SHANK2: variants seen among roughly 807,000 people sequenced by gnomAD.
SHANK2 encodes SH3 and multiple ankyrin repeat domains 2.
Under a neutral mutation model 133.7 loss-of-function variants are expected in SHANK2, and 43 were observed. The ratio of observed to expected loss-of-function variants is 0.32; its 90% CI spans 0.25 to 0.41. The LOEUF is 0.41. SHANK2 is among the 10% of genes least tolerant of loss of function. The pLI is 1.00. For synonymous variants in SHANK2, 1,017 were observed against 952.8 expected, an observed-to-expected ratio of 1.07 and a Z score of -1.24; for missense variants, 1,994 against 2,235.8, an observed-to-expected ratio of 0.89 and a Z score of 2.18.
At chr11:70,526,811 A>C (rs1591537721) in intron 17 of SHANK2, among the ~76,000 whole-genome samples, 3 of 119,926 alleles carry the variant, frequency 2.5e-5, no homozygotes, top group Non-Finnish European at 5.3e-5. Flanking sequence ...CCTCCTGAAC[A>C]CCCCCTATCA....
chr11:70,828,155 G>A (rs1205405760), intron 11 of SHANK2, among the ~76,000 whole-genome samples: 12 of 152,164 alleles, frequency 7.9e-5, no homozygotes, highest in Admixed American at 7.2e-4. Flanking sequence ...GTGGTCGTGC[G>A]CCTGTGGTCC....
At chr11:70,489,936 AGGGCAG>A (rs1429502740) in intron 23 of SHANK2, 1 of 361,058 alleles carries the variant, frequency 2.8e-6, no homozygotes, top group Non-Finnish European at 5.3e-6. Flanking sequence ...CACCCTGAGC[AGGGCAG>A]GGTGGGGGAG....
intron 9 of SHANK2, among the ~76,000 whole-genome samples, chr11:71,066,884 C>T (rs980736280): frequency 9.2e-5 from 14 of 152,272 alleles, no homozygotes; most frequent in African/African-American, 2.6e-4. Flanking sequence ...GAACACACCC[C>T]TCACTGCCGT....
At chr11:70,498,245 C>T (rs1555157542) in intron 21 of SHANK2, among the ~76,000 whole-genome samples, 2 of 152,252 alleles carry the variant, frequency 1.3e-5, no homozygotes, top group Admixed American at 1.3e-4. Context: ...CACTCCATTT[C>T]CAAAAGGAAA....
chr11:70,623,592 C>T (rs576432724), intron 17 of SHANK2, among the ~76,000 whole-genome samples: 3 of 152,326 alleles, frequency 2.0e-5, no homozygotes, highest in Admixed American at 2.0e-4. Flanking sequence ...TTCTTCCCAG[C>T]TCCTTCATTT....
At chr11:70,815,916 G>A (rs782067211) in intron 12 of SHANK2, among the ~76,000 whole-genome samples, 1 of 152,212 alleles carries the variant, frequency 6.6e-6, no homozygotes, top group African/African-American at 2.4e-5. Flanking sequence ...AGAGGGACAG[G>A]GGACCTGGCC....
At chr11:70,704,706 G>A (rs782572303) in intron 14 of SHANK2, among the ~76,000 whole-genome samples, 19 of 152,200 alleles carry the variant, frequency 1.2e-4, no homozygotes, top group African/African-American at 3.6e-4. Flanking sequence ...AGCTCATGGC[G>A]GAAGACAGAA....
At chr11:70,722,203 T>C (rs1218164209) in intron 14 of SHANK2, among the ~76,000 whole-genome samples, 2 of 152,248 alleles carry the variant, frequency 1.3e-5, no homozygotes, top group East Asian at 1.9e-4. Flanking sequence ...GTATGCACAC[T>C]GCATTTCCCA....
chr11:71,209,775 T>G (rs923967531), intron 2 of SHANK2, among the ~76,000 whole-genome samples: 1 of 152,072 alleles, frequency 6.6e-6, no homozygotes, highest in Non-Finnish European at 1.5e-5. Context: ...TCCCATCCCA[T>G]CAACAGAGCA....
rs142338186 is a variant in SHANK2 at position 70,624,289 on chromosome 11, C to T, written c.2061+35539G>A. ...AGGCTTGCATCCTACCCCTCTCCCC[C>T]ATGGAGGAGGTGGGAATGGAGCAAC... On this transcript the variant is annotated intron_variant, in intron 17 of 25. Transcript: ENST00000601538. Among the ~76,000 whole-genome samples, 339 of 152,190 alleles carry T rather than the reference C, an allele frequency of 2.2e-3. 1 individual carries two copies. Among genetic ancestry groups the T allele is most frequent in the African/African-American group, 7.8e-3 (322 of 41,508 alleles).
intron 17 of SHANK2, among the ~76,000 whole-genome samples, chr11:70,593,539 G>A (rs573786834): frequency 2.0e-4 from 31 of 152,282 alleles, no homozygotes; most frequent in South Asian, 1.0e-3. Flanking sequence ...CCCACGGGAC[G>A]TCTGAGCAGG....
chr11:70,519,415 A>G (rs2059303186), intron 17 of SHANK2, among the ~76,000 whole-genome samples: 1 of 152,160 alleles, frequency 6.6e-6, no homozygotes, highest in African/African-American at 2.4e-5. Flanking sequence ...GCACTTTGGG[A>G]AGCAGGTGGA....
intron 14 of SHANK2, among the ~76,000 whole-genome samples, chr11:70,741,349 AT>A: frequency 6.6e-6 from 1 of 151,514 alleles, no homozygotes; most frequent in Admixed American, 6.6e-5. Flanking sequence ...CTATCCATCC[AT>A]CCATCCATCC....
rs1951036793 is a variant in SHANK2 at position 71,065,370 on chromosome 11, C to T, written c.1030-8812G>A. Among the ~76,000 whole-genome samples the T allele has an allele frequency of 4.5e-5, 6 of 132,992 alleles. No individual in the cohort carries two copies. The South Asian group carries it at 1.5e-3, about 34-fold the overall frequency. 87.2% of individuals were successfully genotyped at this position (132,992 alleles called of 152,430 possible). A position where few individuals can be genotyped will look rare whatever the true frequency, so the allele number is the denominator to read the frequency against. On this transcript the variant is annotated intron_variant, in intron 9 of 25. Coordinates refer to ENST00000601538, the MANE Select transcript of SHANK2 (RefSeq NM_012309.5). ...GTTGTGGGGGTGTGTGTGTGCAGAACTCTTCCAGGGAGATGAGCAGTGACT... is the reference window on the plus strand; with the variant it reads ...GTTGTGGGGGTGTGTGTGTGCAGAATTCTTCCAGGGAGATGAGCAGTGACT...
chr11:70,904,776 G>C (rs1555077545), intron 10 of SHANK2, among the ~76,000 whole-genome samples: 1 of 152,136 alleles, frequency 6.6e-6, no homozygotes, highest in Non-Finnish European at 1.5e-5. Context: ...CCAAAGTGCT[G>C]GGAGTACAGG....
chr11:70,572,438 C>T (rs2060057025), intron 17 of SHANK2, among the ~76,000 whole-genome samples: 1 of 152,142 alleles, frequency 6.6e-6, no homozygotes, highest in African/African-American at 2.4e-5. Flanking sequence ...CGAATTACAG[C>T]CGTGAGCCAC....
intron 17 of SHANK2, among the ~76,000 whole-genome samples, chr11:70,576,558 A>G (rs551861135): frequency 3.9e-5 from 6 of 152,130 alleles, no homozygotes; most frequent in African/African-American, 1.2e-4. Flanking sequence ...AATGGCATGA[A>G]CCCGGGAGGC....
intron 2 of SHANK2, among the ~76,000 whole-genome samples, chr11:71,213,699 C>G (rs1217881472): frequency 5.9e-5 from 9 of 152,212 alleles, no homozygotes; most frequent in Non-Finnish European, 2.9e-5. Flanking sequence ...CCGGGCTGAT[C>G]TTCCTTCTAC....
In SHANK2 at chr11:71,163,093, A is replaced by AAAAACATATATATATATATATATATATAT; in HGVS notation, c.-12-15756_-12-15755insATATATATATATATATATATATATGTTTT. Among the ~76,000 whole-genome samples the AAAAACATATATATATATATATATATATAT allele has an allele frequency of 2.4e-5, 2 of 84,678 alleles. 1 individual carries two copies. Among genetic ancestry groups the AAAAACATATATATATATATATATATATAT allele is most frequent in the African/African-American group, 9.2e-5 (2 of 21,752 alleles). The allele number at this position is 84,678 out of a possible 152,430, so 55.6% of individuals were successfully genotyped here. On this transcript the variant is annotated intron_variant, in intron 2 of 25. Transcript: ENST00000601538. ...GTCTAAAAAAAAAAAAAAAAAAAAA[A>AAAAACATATATATATATATATATATATAT]ATACATATATATATATATACAGAAT...
Sources: gnomAD v4.1 joint callset for allele counts (sites outside exome capture counted in the v4.1 genomes callset) on GRCh38, gnomAD v4.1.1 for gene constraint, MANE v1.5 for transcripts, NCBI Gene and HGNC (gene_info 2026-07-23, HGNC 2026-07-21) for gene names.